SYPL1: variants seen among roughly 807,000 people sequenced by gnomAD.
The protein encoded by SYPL1 is synaptophysin-like protein 1.
In SYPL1, 6 loss-of-function variants were observed where a neutral mutation model predicts 23.7. That is an observed-to-expected ratio of 0.25 (90% CI 0.14 to 0.50). The LOEUF (loss-of-function observed/expected upper bound fraction) is 0.50. SYPL1 is among the 20% of genes least tolerant of loss of function. The pLI is 0.98. For synonymous variants in SYPL1, 102 were observed against 104.5 expected (o/e 0.98, Z 0.15); for missense variants, 253 against 288.9 (o/e 0.88, Z 0.90).
chr7:106,094,647 G>T (rs367553984), intron 3 of SYPL1, among the ~76,000 whole-genome samples: 3 of 152,222 alleles, frequency 2.0e-5, no homozygotes, highest in East Asian at 3.9e-4. Context: ...GAAATACAGT[G>T]TTTTTTGGAA....
At position 106,093,096 on chromosome 7, in the gene SYPL1, C is replaced by CACCA. The variant is rs1234383580; in HGVS notation, c.440_443dup (p.Ser149GlyfsTer8). 3 of 1,610,994 alleles carry CACCA rather than the reference C, an allele frequency of 1.9e-6. No individual in the cohort carries two copies. Among genetic ancestry groups the CACCA allele is most frequent in the Non-Finnish European group, 2.5e-6 (3 of 1,179,030 alleles). On this transcript the variant is annotated frameshift_variant, in exon 4 of 5. Transcript: ENST00000455385. LOFTEE classifies it high-confidence loss of function. ...GAGCTTTAGCCCAGGCTGAAGTGCT[C>CACCA]ACCAACCACAAAAAAGTGGCAACAA...
rs1028265261 is a variant in SYPL1, at chr7:106,104,353, G to A, written c.70-5071C>T. Among the ~76,000 whole-genome samples the A allele has an allele frequency of 1.3e-5, 2 of 151,972 alleles. No homozygotes were observed. Among genetic ancestry groups the A allele is most frequent in the Admixed American group, 1.3e-4 (2 of 15,252 alleles). ...GAGCCCAGAAGTTCAATACCAGCTT[G>A]GGCAACACAGTGAGACCCTGTCTTA... On this transcript the variant is annotated intron_variant, in intron 1 of 4. Transcript: ENST00000455385. This position sits in a 1 kb window ranked among gnomAD's most constrained non-coding sequence, Gnocchi z 4.1.
At chr7:106,101,245 C>T (rs946689896) in intron 1 of SYPL1, among the ~76,000 whole-genome samples, 1 of 152,186 alleles carries the variant, frequency 6.6e-6, no homozygotes, top group African/African-American at 2.4e-5. Context: ...TTGAAGAGGT[C>T]AGGGGCTTCG....
intron 1 of SYPL1, among the ~76,000 whole-genome samples, chr7:106,105,017 A>C (rs1377269300): frequency 6.6e-6 from 1 of 152,218 alleles, no homozygotes; most frequent in Non-Finnish European, 1.5e-5. Flanking sequence ...AAGCTGAAGA[A>C]TGGCAACATC....
rs139929102 is a variant in SYPL1, at chr7:106,092,900, C to T, written c.591+49G>A. Reference sequence around the variant, plus strand: ...CTATTGCTTTCCTGAATTACTAGTACTTTAAACAAATATATGAAAGAAAAA... The same window carrying T: ...CTATTGCTTTCCTGAATTACTAGTATTTTAAACAAATATATGAAAGAAAAA... On this transcript the variant is annotated intron_variant, in intron 4 of 4. Coordinates refer to ENST00000455385, the MANE Select transcript of SYPL1 (RefSeq NM_182715.4). 4.2e-6 allele frequency: 6 copies of T among 1,425,220 alleles called. No individual in the cohort carries two copies. In the African/African-American group the frequency reaches 5.9e-5, roughly 14 times the overall value. 88.3% of individuals were successfully genotyped at this position (1,425,220 alleles called of 1,614,324 possible).
chr7:106,108,020 C>G (rs1049467270), intron 1 of SYPL1, among the ~76,000 whole-genome samples: 2 of 151,946 alleles, frequency 1.3e-5, no homozygotes, highest in African/African-American at 4.8e-5. Context: ...CATGGTGAAA[C>G]CCCGTCTCTA....
chr7:106,093,342 A>G (rs1839857520), intron 3 of SYPL1: 1 of 478,606 alleles, frequency 2.1e-6, no homozygotes, highest in South Asian at 4.0e-5. Flanking sequence ...AACAGTAAAT[A>G]AGACTCAGTC....
Position 106,112,266 on chromosome 7 carries a change from G to C in SYPL1, c.-58C>G, listed in dbSNP as rs1052093431. On this transcript the variant is annotated 5_prime_UTR_variant, in exon 1 of 5. Transcript: ENST00000455385. ...CGACGGGGCGGAGGAGGGGACCGAC[G>C]AGACCAGAGCAGCCCGGTGGCGAGG... 4.0e-6 allele frequency: 6 copies of C among 1,504,828 alleles called. No individual in the cohort carries two copies. Among genetic ancestry groups the C allele is most frequent in the Non-Finnish European group, 5.4e-6 (6 of 1,116,264 alleles). 93.2% of individuals were successfully genotyped at this position (1,504,828 alleles called of 1,614,324 possible).
chr7:106,092,894 C>T, intron 4 of SYPL1, 55 bp downstream of exon 4: 1 of 1,374,786 alleles, frequency 7.3e-7, no homozygotes, highest in East Asian at 2.6e-5. Flanking sequence ...TCCTGAATTA[C>T]TAGTACTTTA....
rs772485666 is a variant in SYPL1 at position 106,096,715 on chromosome 7, T to C, written c.402+975A>G. Among the ~76,000 whole-genome samples the C allele has an allele frequency of 1.3e-5, 2 of 152,222 alleles. No individual in the cohort carries two copies. The highest frequency in any genetic ancestry group is 2.9e-5 in the Non-Finnish European group (2 of 68,044). Reference sequence around the variant, plus strand: ...ATTAGTTCATGGTTGCCACTAATGCTGAGTATAAGAATTACCTGGGTCTGA... The same window carrying C: ...ATTAGTTCATGGTTGCCACTAATGCCGAGTATAAGAATTACCTGGGTCTGA... On this transcript the variant is annotated intron_variant, in intron 3 of 4. Coordinates refer to ENST00000455385, the MANE Select transcript of SYPL1 (RefSeq NM_182715.4). The surrounding 1 kb of genome is among the most constrained non-coding windows in gnomAD (Gnocchi z 4.4).
chr7:106,111,114 G>A (rs1790121710), intron 1 of SYPL1, among the ~76,000 whole-genome samples: 1 of 152,262 alleles, frequency 6.6e-6, no homozygotes, highest in Admixed American at 6.5e-5. Flanking sequence ...CCCCTTGCGC[G>A]GTTACAATGG....
chr7:106,112,533 G>T, upstream of SYPL1: 1 of 1,511,136 alleles, frequency 6.6e-7, no homozygotes. Flanking sequence ...GCGCCATACT[G>T]CGTGCGCCGC....
Position 106,093,153 on chromosome 7 carries a change from G to T in SYPL1, c.403-16C>A. The T allele has an allele frequency of 6.4e-7, 1 of 1,572,088 alleles. No homozygotes were observed. The highest frequency in any genetic ancestry group is 1.9e-5 in the Admixed American group (1 of 52,166). On this transcript the variant is annotated splice_polypyrimidine_tract_variant and intron_variant, in intron 3 of 4. Transcript: ENST00000455385. ...CAACAAAGTCCTAAAGCAAAAATCAGTAAGAGTTAATAATGAACAGTTAAT... is the reference window on the plus strand; with the variant it reads ...CAACAAAGTCCTAAAGCAAAAATCATTAAGAGTTAATAATGAACAGTTAAT...
At chr7:106,108,605 T>C (rs1038086471) in intron 1 of SYPL1, among the ~76,000 whole-genome samples, 3 of 152,180 alleles carry the variant, frequency 2.0e-5, no homozygotes, top group African/African-American at 7.2e-5. Context: ...TGCAAGTAGA[T>C]TGGTCCAGGT....
Position 106,091,238 on chromosome 7 carries a change from T to C in SYPL1, c.*567A>G, listed in dbSNP as rs1465810870. 6.6e-6 allele frequency: 1 copy of C among 152,178 alleles called. No individual in the cohort carries two copies. The highest frequency in any genetic ancestry group is 2.4e-5 in the African/African-American group (1 of 41,416). The allele number at this position is 152,178 out of a possible 1,614,324, so 9.4% of individuals were successfully genotyped here. A position where few individuals can be genotyped will look rare whatever the true frequency, so the allele number is the denominator to read the frequency against. On this transcript the variant is annotated 3_prime_UTR_variant, in exon 5 of 5. Transcript: ENST00000455385. The surrounding 1 kb of genome is among the most constrained non-coding windows in gnomAD (Gnocchi z 5.0). Reference sequence around the variant, plus strand: ...ACACAATTTTAGTACACCTATTAAGTACCACGGGTCATTTAGAAAAACAGA... The same window carrying C: ...ACACAATTTTAGTACACCTATTAAGCACCACGGGTCATTTAGAAAAACAGA...
chr7:106,098,997 C>A (rs754059075), intron 2 of SYPL1, among the ~76,000 whole-genome samples, 161 bp downstream of exon 2: 1 of 152,178 alleles, frequency 6.6e-6, no homozygotes, highest in Non-Finnish European at 1.5e-5. Flanking sequence ...TTTAGACAGG[C>A]ATGGGTCTGT....
intron 1 of SYPL1, among the ~76,000 whole-genome samples, chr7:106,105,932 A>C (rs1840571817): frequency 6.6e-6 from 1 of 152,214 alleles, no homozygotes; most frequent in Non-Finnish European, 1.5e-5. Context: ...TGGCTTTAAA[A>C]TGTCTTCAAA....
intron 1 of SYPL1, among the ~76,000 whole-genome samples, chr7:106,101,267 G>A (rs1840295944): frequency 6.6e-6 from 1 of 152,108 alleles, no homozygotes; most frequent in Non-Finnish European, 1.5e-5. Context: ...TTTGTTCAAG[G>A]TCACACACAC....
In SYPL1 at chr7:106,092,988, A is replaced by T; in HGVS notation, c.552T>A (p.Phe184Leu). The change falls in exon 4 of 5, where the codon TTT becomes TTA. Residue 184 changes from phenylalanine (F) to leucine (L), a missense_variant. Transcript: ENST00000455385. ...PCKKKAVLCYFGSVTSMGSLN... is the reference protein window; with the variant it reads ...PCKKKAVLCYLGSVTSMGSLN... ...GGGATCCCATACTGGTCACAGAGCC[A>T]AAGTAACACAGTACTGCTTTCTTCT... 3.7e-6 allele frequency: 6 copies of T among 1,610,682 alleles called. No individual in the cohort carries two copies. The highest frequency in any genetic ancestry group is 5.1e-6 in the Non-Finnish European group (6 of 1,178,670).
Sources: gnomAD v4.1 joint callset for allele counts (sites outside exome capture counted in the v4.1 genomes callset) on GRCh38, gnomAD v4.1.1 for gene constraint, Gnocchi (gnomAD v3.1) non-coding constraint, MANE v1.5 for transcripts, NCBI Gene and HGNC (gene_info 2026-07-23, HGNC 2026-07-21) for gene names.